Variants in ARHGEF10L observed in about 807,000 individuals in gnomAD.
ARHGEF10L encodes Rho guanine nucleotide exchange factor 10 like.
ARHGEF10L carries 69 observed loss-of-function variants against 141.2 expected under a neutral mutation model. The observed-to-expected ratio is 0.49, with a 90% CI of 0.40 to 0.60. The LOEUF (loss-of-function observed/expected upper bound fraction) is 0.60, where lower values mean the gene tolerates loss of function less well. Ranked by LOEUF, ARHGEF10L falls within the 20% of genes least tolerant of loss-of-function variation. ARHGEF10L has a pLI of 0.00. For synonymous variants in ARHGEF10L, 711 were observed against 718.5 expected (o/e 0.99, Z 0.17); for missense variants, 1,482 against 1,734.3 (o/e 0.85, Z 2.58).
chr1:17,670,305 C>T (rs2063242123), intron 26 of ARHGEF10L, among the ~76,000 whole-genome samples: 1 of 152,250 alleles, frequency 6.6e-6, no homozygotes, highest in Non-Finnish European at 1.5e-5. Context: ...TACGCTTGCC[C>T]ACCAACTGCT....
chr1:17,519,117 G>A, the ARHGEF10L span, among the ~76,000 whole-genome samples: 3 of 152,050 alleles, frequency 2.0e-5, no homozygotes, highest in Non-Finnish European at 2.9e-5. Flanking sequence ...GGAGGTTGCG[G>A]TGAGCCGAGA....
the ARHGEF10L span, among the ~76,000 whole-genome samples, chr1:17,525,779 G>A: frequency 6.6e-6 from 1 of 152,052 alleles, no homozygotes. Flanking sequence ...GAGATGGGCA[G>A]ACCACTTGAG....
intron 22 of ARHGEF10L, among the ~76,000 whole-genome samples, chr1:17,651,379 G>C (rs1054890616): frequency 1.3e-5 from 2 of 152,220 alleles, no homozygotes; most frequent in Non-Finnish European, 2.9e-5. Flanking sequence ...AGCGACCATG[G>C]AGTAGGGAGT....
intron 26 of ARHGEF10L, among the ~76,000 whole-genome samples, chr1:17,667,719 G>A (rs1443894820): frequency 6.6e-6 from 1 of 152,220 alleles, no homozygotes; most frequent in Non-Finnish European, 1.5e-5. Flanking sequence ...CCGGCTGCTG[G>A]CAGGGGAGGT....
Position 17,625,352 on chromosome 1 carries a change from C to T in ARHGEF10L, c.1318-604C>T, listed in dbSNP as rs1307810862. ...TCCCAGGAGAGAAGGCCTGAGTGTG[C>T]ACACTAAGAGGCGGCTGAGTTCAGT... On this transcript the variant is annotated intron_variant, in intron 13 of 28. Transcript: ENST00000361221. This position sits in a 1 kb window ranked among gnomAD's most constrained non-coding sequence, Gnocchi z 4.5. 2.0e-5 allele frequency among the ~76,000 whole-genome samples: 3 copies of T among 152,164 alleles called. No individual in the cohort carries two copies. Among genetic ancestry groups the T allele is most frequent in the East Asian group, 1.9e-4 (1 of 5,202 alleles).
At chr1:17,638,531 G>C in intron 19 of ARHGEF10L, 31 bp from the exon 20 acceptor site, 2 of 1,613,986 alleles carry the variant, frequency 1.2e-6, no homozygotes, top group African/African-American at 2.7e-5. Context: ...AGTGTGCTGT[G>C]TGGTGACCTC....
rs1450605399 is a variant in ARHGEF10L at position 17,588,348 on chromosome 1, C to T, written c.224-98C>T. ...ACCCAGACTGGCCAGGCCCTGTCTG[C>T]GGCGCCCCTGGGGAGGCTGGGAAAG... On this transcript the variant is annotated intron_variant, in intron 3 of 28. Coordinates refer to ENST00000361221, the MANE Select transcript of ARHGEF10L (RefSeq NM_018125.4). 2.7e-4 allele frequency: 369 copies of T among 1,344,078 alleles called. 1 individual carries two copies. The highest frequency in any genetic ancestry group is 3.7e-4 in the Non-Finnish European group (352 of 956,312). 83.3% of individuals were successfully genotyped at this position (1,344,078 alleles called of 1,614,324 possible). A position where few individuals can be genotyped will look rare whatever the true frequency, so the allele number is the denominator to read the frequency against.
intron 1 of ARHGEF10L, among the ~76,000 whole-genome samples, chr1:17,579,967 C>T (rs781132689): frequency 2.0e-5 from 3 of 152,258 alleles, no homozygotes; most frequent in African/African-American, 2.4e-5. Context: ...TGTCTTATGC[C>T]ATTGGCCTCT....
At chr1:17,580,657 C>T (rs1371302647) in intron 2 of ARHGEF10L, 25 bp downstream of exon 2, 2 of 1,613,986 alleles carry the variant, frequency 1.2e-6, no homozygotes, top group African/African-American at 2.7e-5. Context: ...GCTTCCTGTC[C>T]CTCTCATCCT....
At chr1:17,638,755 C>A (rs916304366) in intron 20 of ARHGEF10L, 66 bp downstream of exon 20, 82 of 1,599,572 alleles carry the variant, frequency 5.1e-5, no homozygotes, top group Non-Finnish European at 6.6e-5. Context: ...AGCAGGGGAT[C>A]CGGAGAGGGT....
At chr1:17,600,281 C>T (rs747660080) in intron 4 of ARHGEF10L, among the ~76,000 whole-genome samples, 2 of 152,212 alleles carry the variant, frequency 1.3e-5, no homozygotes, top group South Asian at 2.1e-4. Flanking sequence ...TCCTACTCTT[C>T]ATCTGCTACA....
chr1:17,558,819 C>T lies in ARHGEF10L; in HGVS notation c.-44+18869C>T, dbSNP rs769469238. 8.5e-5 allele frequency among the ~76,000 whole-genome samples: 13 copies of T among 152,198 alleles called. No individual in the cohort carries two copies. The highest frequency in any genetic ancestry group is 1.8e-4 in the Non-Finnish European group (12 of 68,046). On this transcript the variant is annotated intron_variant, in intron 1 of 28. Transcript: ENST00000361221. The surrounding 1 kb of genome is among the most constrained non-coding windows in gnomAD (Gnocchi z 4.2). Reference sequence around the variant, plus strand: ...GAGGAGCTGTGGCTCTGTGGGGCCACAGATAGGGTCCAGGCAGGGGACAAC... The same window carrying T: ...GAGGAGCTGTGGCTCTGTGGGGCCATAGATAGGGTCCAGGCAGGGGACAAC...
intron 21 of ARHGEF10L, among the ~76,000 whole-genome samples, chr1:17,641,367 C>A (rs1021175512): frequency 1.3e-5 from 2 of 152,218 alleles, no homozygotes; most frequent in African/African-American, 4.8e-5. Context: ...CGCAGTGGCT[C>A]ACGCCTGTAA....
At chr1:17,634,012 T>G (rs2060852293) in intron 16 of ARHGEF10L, among the ~76,000 whole-genome samples, 1 of 152,184 alleles carries the variant, frequency 6.6e-6, no homozygotes, top group South Asian at 2.1e-4. Flanking sequence ...ATCCAGCCCC[T>G]GCCTCCGGGA....
Position 17,693,649 on chromosome 1 carries a change from C to T in ARHGEF10L, c.3185-1509C>T, listed in dbSNP as rs537607033. Among the ~76,000 whole-genome samples the T allele has an allele frequency of 1.4e-4, 22 of 152,284 alleles. No homozygotes were observed. In the East Asian group the frequency reaches 1.5e-3, roughly 11 times the overall value. On this transcript the variant is annotated intron_variant, in intron 27 of 28. Coordinates refer to ENST00000361221, the MANE Select transcript of ARHGEF10L (RefSeq NM_018125.4). ...GGGGACCTCTTTGAGCCTTAACATC[C>T]GTGCCTGGAAAATGGGGCCGGCATT...
intron 26 of ARHGEF10L, among the ~76,000 whole-genome samples, chr1:17,686,515 C>T (rs1449285905): frequency 2.0e-5 from 3 of 152,030 alleles, no homozygotes; most frequent in Admixed American, 6.6e-5. Flanking sequence ...GTGGCTGGTC[C>T]GTGGCGGGGT....
chr1:17,627,284 G>GAGTTGGTC lies in ARHGEF10L; in HGVS notation c.1411-44_1411-37dup. 1 of 1,595,550 alleles carries GAGTTGGTC rather than the reference G, an allele frequency of 6.3e-7. No individual in the cohort carries two copies. The highest frequency in any genetic ancestry group is 8.6e-7 in the Non-Finnish European group (1 of 1,167,322). On this transcript the variant is annotated intron_variant, in intron 14 of 28. Transcript: ENST00000361221. This position sits in a 1 kb window ranked among gnomAD's most constrained non-coding sequence, Gnocchi z 4.0. ...TGAGGCTTTGCCCCAGGCTGGGGTA[G>GAGTTGGTC]AGTTGGTCATGGGTGGGCTGCTCAG...
At chr1:17,569,145 A>G (rs866652000) in intron 1 of ARHGEF10L, among the ~76,000 whole-genome samples, 128 of 152,220 alleles carry the variant, frequency 8.4e-4, no homozygotes, top group African/African-American at 2.9e-3. Flanking sequence ...AGGGTCAGGT[A>G]CCTGCCATTC....
rs1002668979 is a variant in ARHGEF10L, at chr1:17,697,461, G to A, written c.*81G>A. 11 of 1,482,846 alleles carry A rather than the reference G, an allele frequency of 7.4e-6. No homozygotes were observed. The highest frequency in any genetic ancestry group is 7.0e-5 in the African/African-American group (5 of 71,216). The allele number at this position is 1,482,846 out of a possible 1,614,324, so 91.9% of individuals were successfully genotyped here. A position where few individuals can be genotyped will look rare whatever the true frequency, so the allele number is the denominator to read the frequency against. On this transcript the variant is annotated 3_prime_UTR_variant, in exon 29 of 29. Coordinates refer to ENST00000361221, the MANE Select transcript of ARHGEF10L (RefSeq NM_018125.4). The surrounding 1 kb of genome is among the most constrained non-coding windows in gnomAD (Gnocchi z 4.8). ...GGCTCTCGTGCTCTAGGACCTGCAC[G>A]GGACTTGTGGATGGGCCTGGACTCT...
Sources: gnomAD v4.1 joint callset for allele counts (sites outside exome capture counted in the v4.1 genomes callset) on GRCh38, gnomAD v4.1.1 for gene constraint, Gnocchi (gnomAD v3.1) non-coding constraint, MANE v1.5 for transcripts, NCBI Gene and HGNC (gene_info 2026-07-23, HGNC 2026-07-21) for gene names.